The following CPM variants were observed in gnomAD, a reference collection of about 807,000 sequenced individuals.
CPM encodes carboxypeptidase M.
A neutral mutation model predicts 46.4 loss-of-function variants in CPM; 35 were observed. That is an observed-to-expected ratio of 0.75 (90% confidence interval 0.58 to 1.00). CPM has a LOEUF of 1.00. CPM is among the 50% of genes least tolerant of loss of function. CPM has a pLI of 0.00. For missense variants in CPM, 422 were observed against 530.4 expected, an observed-to-expected ratio of 0.80 and a Z score of 2.01; for synonymous variants, 195 against 195.3, an observed-to-expected ratio of 1.00 and a Z score of 0.01.
chr12:68,873,326 A>T (rs4460888), intron 3 of CPM, among the ~76,000 whole-genome samples: 1 of 152,160 alleles, frequency 6.6e-6, no homozygotes, highest in African/African-American at 2.4e-5. Context: ...GCACATAAAG[A>T]GACCACATTT....
chr12:68,892,494 C>G (rs921430806), intron 2 of CPM, among the ~76,000 whole-genome samples: 1 of 152,194 alleles, frequency 6.6e-6, no homozygotes, highest in Non-Finnish European at 1.5e-5. Context: ...AGTAGCTGCA[C>G]TTCTGGGATC....
chr12:68,959,064 ATC>A (rs1889071131), intron 1 of CPM, among the ~76,000 whole-genome samples: 3 of 152,272 alleles, frequency 2.0e-5, no homozygotes, highest in Middle Eastern at 3.4e-3. Flanking sequence ...TTCCTTGCAC[ATC>A]TCTGTCTTAT....
At position 68,875,265 on chromosome 12, in the gene CPM, C is replaced by T. The variant is rs527429279; in HGVS notation, c.259-3309G>A. On this transcript the variant is annotated intron_variant, in intron 3 of 8. Transcript: ENST00000551568. ...ACTCGGGAGGCTGAGGCAGGAGAATCGCTTGAACCTGGGAAGCAGAGGTTG... is the reference window on the plus strand; with the variant it reads ...ACTCGGGAGGCTGAGGCAGGAGAATTGCTTGAACCTGGGAAGCAGAGGTTG... Among the ~76,000 whole-genome samples, 68 of 151,748 alleles carry T rather than the reference C, an allele frequency of 4.5e-4. 1 individual carries two copies. The East Asian group carries it at 7.6e-3, about 17-fold the overall frequency.
intron 1 of CPM, among the ~76,000 whole-genome samples, chr12:68,952,220 T>C (rs921524363): frequency 2.0e-5 from 3 of 152,218 alleles, no homozygotes; most frequent in African/African-American, 7.2e-5. Context: ...AATGCAAATA[T>C]GTTTTGGGTT....
At chr12:68,931,441 G>T (rs1888493694) in intron 2 of CPM, among the ~76,000 whole-genome samples, 1 of 152,116 alleles carries the variant, frequency 6.6e-6, no homozygotes, top group South Asian at 2.1e-4. Flanking sequence ...AATAAAAGAT[G>T]ATTAAGTAAT....
At chr12:68,954,019 A>G (rs1488534122) in intron 1 of CPM, among the ~76,000 whole-genome samples, 8 of 152,206 alleles carry the variant, frequency 5.3e-5, no homozygotes, top group African/African-American at 1.4e-4. Context: ...TTTTTTTACA[A>G]TTGCTTTTAT....
intron 7 of CPM, among the ~76,000 whole-genome samples, chr12:68,863,239 A>G (rs940722009): frequency 6.6e-6 from 1 of 152,142 alleles, no homozygotes; most frequent in Non-Finnish European, 1.5e-5. Flanking sequence ...AGGTTTCTGG[A>G]TGCTGTGAGC....
chr12:68,867,276 T>C (rs1885495349), intron 6 of CPM, among the ~76,000 whole-genome samples: 1 of 152,240 alleles, frequency 6.6e-6, no homozygotes, highest in East Asian at 1.9e-4. Context: ...GAAGTTCAAC[T>C]GTGCATCAAA....
intron 3 of CPM, among the ~76,000 whole-genome samples, 166 bp from the exon 4 acceptor site, chr12:68,872,122 G>A (rs1376549093): frequency 6.6e-6 from 1 of 152,182 alleles, no homozygotes; most frequent in Non-Finnish European, 1.5e-5. Context: ...CTGCCAAGTG[G>A]CCATCAGGTG....
At chr12:68,877,196 G>A (rs981088535) in intron 3 of CPM, among the ~76,000 whole-genome samples, 7 of 152,114 alleles carry the variant, frequency 4.6e-5, no homozygotes, top group Admixed American at 6.6e-5. Context: ...GGTCACACAC[G>A]TTACAATCAC....
chr12:68,914,754 A>C (rs1047805181), intron 2 of CPM, among the ~76,000 whole-genome samples: 1 of 151,970 alleles, frequency 6.6e-6, no homozygotes, highest in Non-Finnish European at 1.5e-5. Context: ...GGCCTAGGTC[A>C]CCTCCACAGA....
intron 4 of CPM, 57 bp from the exon 5 acceptor site, chr12:68,870,456 T>TA: frequency 6.8e-7 from 1 of 1,479,594 alleles, no homozygotes; most frequent in East Asian, 2.3e-5. Flanking sequence ...AGTGGATTCT[T>TA]ACAGTGTCTT....
chr12:68,918,217 C>G (rs1192441572), intron 2 of CPM, among the ~76,000 whole-genome samples: 1 of 152,182 alleles, frequency 6.6e-6, no homozygotes, highest in African/African-American at 2.4e-5. Flanking sequence ...CTTGGCTCCT[C>G]TACTCTATCA....
intron 1 of CPM, among the ~76,000 whole-genome samples, chr12:68,956,381 T>A (rs554251447): frequency 6.6e-6 from 1 of 152,178 alleles, no homozygotes; most frequent in South Asian, 2.1e-4. Flanking sequence ...AGGGCAGGGA[T>A]CCCATCCCGC....
Position 68,942,815 on chromosome 12 carries a change from C to A in CPM, c.-3-9975G>T, listed in dbSNP as rs76256649. On this transcript the variant is annotated intron_variant, in intron 1 of 8. Transcript: ENST00000546373. ...CCACATTCTGTACTGCACAGCATGACCTTCTTAGCTTCACATTCTATCTAC... is the reference window on the plus strand; with the variant it reads ...CCACATTCTGTACTGCACAGCATGAACTTCTTAGCTTCACATTCTATCTAC... Among the ~76,000 whole-genome samples, 706 of 152,272 alleles carry A rather than the reference C, an allele frequency of 4.6e-3. 1 individual carries two copies. Among genetic ancestry groups the A allele is most frequent in the Non-Finnish European group, 8.3e-3 (568 of 68,030 alleles).
intron 7 of CPM, among the ~76,000 whole-genome samples, chr12:68,865,934 G>C (rs1885423093): frequency 1.3e-5 from 2 of 152,110 alleles, no homozygotes; most frequent in South Asian, 4.1e-4. Context: ...TCCGGGTTGG[G>C]GCCTGGCAAT....
intron 1 of CPM, among the ~76,000 whole-genome samples, chr12:68,943,648 A>G (rs1299802701): frequency 3.3e-5 from 5 of 152,184 alleles, no homozygotes; most frequent in Admixed American, 6.5e-5. Context: ...TACTTTGTTT[A>G]TATTATAGAT....
In CPM at chr12:68,909,003, T is replaced by C. The variant is rs142209936; in HGVS notation, c.161-23114A>G. 2.2e-3 allele frequency among the ~76,000 whole-genome samples: 328 copies of C among 152,318 alleles called. 1 individual carries two copies. Among genetic ancestry groups the C allele is most frequent in the African/African-American group, 7.5e-3 (311 of 41,566 alleles). The stretch of plus-strand genomic sequence containing the variant: ...TTCATCTGGGGCAGTACCTCAATGT[T>C]TATCTAATGTTGAATTAATGTGAAA... On this transcript the variant is annotated intron_variant, in intron 2 of 8. Coordinates refer to ENST00000551568, the MANE Select transcript of CPM (RefSeq NM_198320.5).
intron 5 of CPM, among the ~76,000 whole-genome samples, chr12:68,869,792 A>G (rs1213463404): frequency 6.6e-6 from 1 of 152,172 alleles, no homozygotes; most frequent in Non-Finnish European, 1.5e-5. Flanking sequence ...TAGGTATTAT[A>G]GGGGTGAATA....
Sources: gnomAD v4.1 joint callset for allele counts (sites outside exome capture counted in the v4.1 genomes callset) on GRCh38, gnomAD v4.1.1 for gene constraint, MANE v1.5 for transcripts, NCBI Gene and HGNC (gene_info 2026-07-23, HGNC 2026-07-21) for gene names.